The following CYP3A43 variants were observed in gnomAD, a reference collection of about 807,000 sequenced individuals.
The protein encoded by CYP3A43 is cytochrome P450 family 3 subfamily A member 43.
Under a neutral mutation model 58.0 loss-of-function variants are expected in CYP3A43, and 45 were observed. That is an observed-to-expected ratio of 0.78 (90% confidence interval 0.61 to 0.99). CYP3A43 has a LOEUF of 0.99. Ranked by LOEUF, CYP3A43 falls within the 50% of genes least tolerant of loss-of-function variation. The probability of loss-of-function intolerance (pLI) is 0.00; values close to 1 mark genes in which losing one functional copy is unlikely to be tolerated. For synonymous variants in CYP3A43, 191 were observed against 201.4 expected, an observed-to-expected ratio of 0.95 and a Z score of 0.44; for missense variants, 593 against 591.9, an observed-to-expected ratio of 1.00 and a Z score of -0.02.
At chr7:99,863,457 C>T in intron 11 of CYP3A43, 80 bp from the exon 12 acceptor site, 1 of 1,286,652 alleles carries the variant, frequency 7.8e-7, no homozygotes, top group Non-Finnish European at 1.0e-6. Flanking sequence ...CTCCCAAAAG[C>T]CACCACACCC....
chr7:99,847,584 A>T lies in CYP3A43; in HGVS notation c.415A>T (p.Ser139Cys), dbSNP rs149853346. The stretch of plus-strand genomic sequence containing the variant: ...AACATTGCTATCTCCAGCTTTCACC[A>T]GTGTAAAATTCAAGGAAGTAAGAAA... ...IRTLLSPAFT[S>C]VKFKEMVPII... is the part of the protein sequence containing the mutation. The change falls in exon 5 of 13, where the codon AGT (serine) becomes TGT (cysteine). Residue 139 changes from serine to cysteine, a missense_variant. Coordinates refer to ENST00000354829, the MANE Select transcript of CYP3A43 (RefSeq NM_057095.3). 1.2e-6 allele frequency: 2 copies of T among 1,613,808 alleles called. No homozygotes were observed. Among genetic ancestry groups the T allele is most frequent in the African/African-American group, 2.7e-5 (2 of 74,920 alleles).
chr7:99,843,788 T>A (rs1385513343), intron 3 of CYP3A43, among the ~76,000 whole-genome samples: 3 of 152,098 alleles, frequency 2.0e-5, no homozygotes, highest in African/African-American at 7.2e-5. Flanking sequence ...ATTTTAAACA[T>A]ACAAAAGATT....
At position 99,839,102 on chromosome 7, in the gene CYP3A43, T is replaced by A. The variant is rs370727784; in HGVS notation, c.166-18T>A. On this transcript the variant is annotated intron_variant, in intron 2 of 12. Transcript: ENST00000354829. ...CATTCGAAATAATACTTGAATTGTA[T>A]TTTGTTTCTTCTGCCAGGGTCTTTG... The A allele has an allele frequency of 5.6e-6, 9 of 1,614,056 alleles. No individual in the cohort carries two copies. The highest frequency in any genetic ancestry group is 4.0e-5 in the African/African-American group (3 of 74,948).
chr7:99,847,799 G>A (rs972840950), intron 5 of CYP3A43, 198 bp downstream of exon 5: 12 of 731,904 alleles, frequency 1.6e-5, no homozygotes, highest in Non-Finnish European at 2.0e-5. Flanking sequence ...ATCACCTGAG[G>A]TTAGGAGATT....
intron 7 of CYP3A43, among the ~76,000 whole-genome samples, chr7:99,850,909 C>T (rs1383792473): frequency 4.0e-5 from 6 of 151,826 alleles, no homozygotes. Context: ...TGGCTCATGC[C>T]TGTAATCCCA....
intron 12 of CYP3A43, 66 bp downstream of exon 12, chr7:99,863,765 T>A (rs952425411): frequency 2.3e-4 from 298 of 1,284,094 alleles, no homozygotes; most frequent in Non-Finnish European, 2.8e-4. Context: ...CTACATTTTT[T>A]AAAAATTATT....
chr7:99,836,562 G>A lies in CYP3A43; in HGVS notation c.165+16G>A. ...CTACCTTAGGGTAAGTGTTATTTGA[G>A]CTCCCTCTTTTGCTTCTTATCGATG... On this transcript the variant is annotated intron_variant, in intron 2 of 12. Transcript: ENST00000354829. The A allele has an allele frequency of 1.3e-6, 2 of 1,551,186 alleles. No individual in the cohort carries two copies. Among genetic ancestry groups the A allele is most frequent in the South Asian group, 1.2e-5 (1 of 80,106 alleles).
chr7:99,830,306 T>C (rs1816792513), intron 1 of CYP3A43, among the ~76,000 whole-genome samples: 1 of 152,010 alleles, frequency 6.6e-6, no homozygotes, highest in South Asian at 2.1e-4. Flanking sequence ...TCACGTGAGG[T>C]CAGAAGTTCA....
Position 99,828,045 on chromosome 7 carries a change from A to T in CYP3A43, c.-71A>T. 7.7e-7 allele frequency: 1 copy of T among 1,306,268 alleles called. No individual in the cohort carries two copies. The highest frequency in any genetic ancestry group is 1.3e-5 in the South Asian group (1 of 76,952). 80.9% of individuals were successfully genotyped at this position (1,306,268 alleles called of 1,614,324 possible). A position where few individuals can be genotyped will look rare whatever the true frequency, so the allele number is the denominator to read the frequency against. On this transcript the variant is annotated 5_prime_UTR_variant, in exon 1 of 13. Coordinates refer to ENST00000354829, the MANE Select transcript of CYP3A43 (RefSeq NM_057095.3). The stretch of plus-strand genomic sequence containing the variant: ...GGCAGAGAAACAAAGCTCTATATGC[A>T]CAGCCCAGCAAAGAGCAGCACACAG...
At chr7:99,832,583 T>C (rs1816890713) in intron 1 of CYP3A43, among the ~76,000 whole-genome samples, 1 of 150,584 alleles carries the variant, frequency 6.6e-6, no homozygotes, top group Non-Finnish European at 1.5e-5. Flanking sequence ...GAGATATACC[T>C]AATGCTAAAT....
intron 2 of CYP3A43, among the ~76,000 whole-genome samples, chr7:99,838,499 A>G (rs775654960): frequency 3.3e-5 from 5 of 152,240 alleles, no homozygotes; most frequent in African/African-American, 7.2e-5. Context: ...TCAGGGGTTT[A>G]TGAGATTGCA....
At chr7:99,865,053 G>A (rs1818391448) in intron 12 of CYP3A43, among the ~76,000 whole-genome samples, 2 of 148,338 alleles carry the variant, frequency 1.3e-5, no homozygotes, top group Admixed American at 1.3e-4. Flanking sequence ...AATCTTATTT[G>A]TGGCTTTAGG....
intron 1 of CYP3A43, among the ~76,000 whole-genome samples, chr7:99,830,272 C>T (rs1260434382): frequency 6.6e-6 from 1 of 152,154 alleles, no homozygotes; most frequent in Non-Finnish European, 1.5e-5. Flanking sequence ...AATTCCAGCA[C>T]TTTGGAAAGC....
intron 3 of CYP3A43, among the ~76,000 whole-genome samples, chr7:99,840,892 C>A (rs183512478): frequency 6.6e-6 from 1 of 152,306 alleles, no homozygotes; most frequent in Admixed American, 6.5e-5. Flanking sequence ...TGTGATAGAA[C>A]CAGCTAGAGC....
At chr7:99,833,451 T>C (rs1424076551) in intron 1 of CYP3A43, among the ~76,000 whole-genome samples, 1 of 152,262 alleles carries the variant, frequency 6.6e-6, no homozygotes, top group Non-Finnish European at 1.5e-5. Flanking sequence ...CTTGAGTTTA[T>C]CTGTCTAGTG....
In CYP3A43 at chr7:99,850,633, C is replaced by T. The variant is rs1239765678; in HGVS notation, c.670+939C>T. On this transcript the variant is annotated intron_variant, in intron 7 of 12. Coordinates refer to ENST00000354829, the MANE Select transcript of CYP3A43 (RefSeq NM_057095.3). ...TTGGCCTCCCAAAGTTCTGGGATTACAGGAGTGAGCAACTGCACACAGCCC... is the reference window on the plus strand; with the variant it reads ...TTGGCCTCCCAAAGTTCTGGGATTATAGGAGTGAGCAACTGCACACAGCCC... Among the ~76,000 whole-genome samples the T allele has an allele frequency of 2.6e-5, 4 of 152,252 alleles. No individual in the cohort carries two copies. In the East Asian group the frequency reaches 7.7e-4, roughly 29 times the overall value.
In CYP3A43 at chr7:99,866,030, A is replaced by G. The variant is rs1339240653; in HGVS notation, c.*29A>G. On this transcript the variant is annotated 3_prime_UTR_variant, in exon 13 of 13. Coordinates refer to ENST00000354829, the MANE Select transcript of CYP3A43 (RefSeq NM_057095.3). Reference sequence around the variant, plus strand: ...TCCCTAAGGACTTCCACTTTGTTCAAGAAAGCTGTATCCCAGAACACTAGA... The same window carrying G: ...TCCCTAAGGACTTCCACTTTGTTCAGGAAAGCTGTATCCCAGAACACTAGA... 3 of 1,445,418 alleles carry G rather than the reference A, an allele frequency of 2.1e-6. No homozygotes were observed. The highest frequency in any genetic ancestry group is 2.9e-6 in the Non-Finnish European group (3 of 1,046,850). The allele number at this position is 1,445,418 out of a possible 1,614,324, so 89.5% of individuals were successfully genotyped here. A position where few individuals can be genotyped will look rare whatever the true frequency, so the allele number is the denominator to read the frequency against.
At chr7:99,855,323 TG>T (rs1333476009) in intron 7 of CYP3A43, among the ~76,000 whole-genome samples, 1 of 152,218 alleles carries the variant, frequency 6.6e-6, no homozygotes, top group Non-Finnish European at 1.5e-5. Flanking sequence ...AATTTAATTC[TG>T]TTCCTTTGGT....
intron 1 of CYP3A43, among the ~76,000 whole-genome samples, chr7:99,830,810 T>C (rs180920376): frequency 1.3e-5 from 2 of 152,334 alleles, no homozygotes; most frequent in Non-Finnish European, 2.9e-5. Flanking sequence ...TTATAAGGAT[T>C]ATCTCCTATT....
Sources: allele counts gnomAD v4.1 joint callset (sites outside exome capture counted in the v4.1 genomes callset), GRCh38; gene constraint gnomAD v4.1.1; transcripts MANE v1.5; gene names NCBI Gene and HGNC (gene_info 2026-07-23, HGNC 2026-07-21).